Variants in SPATS2 observed in about 807,000 individuals in gnomAD.
The protein encoded by SPATS2 is spermatogenesis associated serine rich 2.
A neutral mutation model predicts 63.7 loss-of-function variants in SPATS2; 38 were observed. The observed-to-expected ratio is 0.60, with a 90% CI of 0.46 to 0.78. SPATS2 has a LOEUF of 0.78. Among genes scored for constraint, SPATS2 ranks in the 30% least tolerant of loss-of-function variants. SPATS2 has a pLI of 0.00. For missense variants in SPATS2, 588 were observed against 666.2 expected (o/e 0.88, Z 1.29); for synonymous variants, 207 against 232.9 (o/e 0.89, Z 1.01).
intron 2 of SPATS2, among the ~76,000 whole-genome samples, chr12:49,402,735 G>A (rs1248434740): frequency 6.6e-6 from 1 of 152,132 alleles, no homozygotes; most frequent in African/African-American, 2.4e-5. Flanking sequence ...GAAGAAGGGG[G>A]TAGTGGTGGT....
chr12:49,499,394 G>A (rs76369963), intron 8 of SPATS2, among the ~76,000 whole-genome samples: 3,896 of 72,630 alleles, frequency 0.054, 76 homozygotes, highest in African/African-American at 0.07. Context: ...CTGCCTGGTT[G>A]TTTTGTTTTG....
intron 3 of SPATS2, among the ~76,000 whole-genome samples, chr12:49,472,769 G>T (rs1026807947): frequency 7.9e-5 from 12 of 151,536 alleles, no homozygotes; most frequent in African/African-American, 2.9e-4. Context: ...GCCAGGCGTG[G>T]TGTCTCATGG....
At position 49,485,828 on chromosome 12, in the gene SPATS2, C is replaced by T. The variant is rs530849721; in HGVS notation, c.105+1159C>T. On this transcript the variant is annotated intron_variant, in intron 4 of 13. Coordinates refer to ENST00000552918, the MANE Select transcript of SPATS2 (RefSeq NM_023071.4). ...AGGCTGGAGTGCAGTGACGCAGTCT[C>T]GGCTCCCTTTAGCCTCCACCTCCTG... is the stretch of plus-strand genomic sequence containing the variant. 4.1e-5 allele frequency among the ~76,000 whole-genome samples: 6 copies of T among 146,964 alleles called. No homozygotes were observed. In the South Asian group the frequency reaches 8.6e-4, roughly 21 times the overall value.
rs747971046 is a variant in SPATS2 at position 49,519,233 on chromosome 12, G to A, written c.1008+51G>A. ...TTTCTTCTTATCCTCAGGGGCTAAAGTAAGAAATTTTCATAATTCATGGCC... is the reference window on the plus strand; with the variant it reads ...TTTCTTCTTATCCTCAGGGGCTAAAATAAGAAATTTTCATAATTCATGGCC... On this transcript the variant is annotated intron_variant, in intron 11 of 13. Coordinates refer to ENST00000552918, the MANE Select transcript of SPATS2 (RefSeq NM_023071.4). The A allele has an allele frequency of 1.4e-5, 20 of 1,464,716 alleles. No homozygotes were observed. The East Asian group carries it at 4.3e-4, about 31-fold the overall frequency. 90.7% of individuals were successfully genotyped at this position (1,464,716 alleles called of 1,614,324 possible).
intron 9 of SPATS2, 79 bp from the exon 10 acceptor site, chr12:49,514,472 GTCTT>G (rs1391448510): frequency 5.4e-6 from 7 of 1,292,578 alleles, no homozygotes; most frequent in Admixed American, 2.0e-5. Context: ...AAACTCACTG[GTCTT>G]TCTTTACTAT....
At chr12:49,425,773 G>A (rs1222292625) in intron 2 of SPATS2, among the ~76,000 whole-genome samples, 3 of 152,118 alleles carry the variant, frequency 2.0e-5, no homozygotes, top group African/African-American at 7.2e-5. Flanking sequence ...GGGATTACAG[G>A]CGCATGCCAC....
In SPATS2 at chr12:49,409,592, ATTTTTTTTTT is replaced by A. The variant is rs753378038; in HGVS notation, c.-244+38320_-244+38329del. 1.6e-3 allele frequency among the ~76,000 whole-genome samples: 115 copies of A among 73,544 alleles called. 1 individual carries two copies. Among genetic ancestry groups the A allele is most frequent in the African/African-American group, 6.3e-3 (99 of 15,804 alleles). The allele number at this position is 73,544 out of a possible 152,430, so 48.2% of individuals were successfully genotyped here. ...CAGGCGTGAGCCACTGTGCCCAGCA[ATTTTTTTTTT>A]TTTTTTTTTTTTTTTTTCAGATGGA... On this transcript the variant is annotated intron_variant, in intron 2 of 13. Transcript: ENST00000552918.
chr12:49,376,470 C>T (rs1192229211), intron 2 of SPATS2, among the ~76,000 whole-genome samples: 2 of 151,882 alleles, frequency 1.3e-5, no homozygotes, highest in Non-Finnish European at 2.9e-5. Flanking sequence ...GATCATGGCT[C>T]ATTGCAGCCT....
intron 2 of SPATS2, among the ~76,000 whole-genome samples, chr12:49,430,136 T>C (rs1297620338): frequency 7.0e-6 from 1 of 142,390 alleles, no homozygotes; most frequent in Non-Finnish European, 1.5e-5. Context: ...AGTCTCACTC[T>C]GTCCCCCAGC....
upstream of SPATS2, chr12:49,367,270 T>TCTGGCTGG (rs1943913513): frequency 3.0e-6 from 1 of 331,470 alleles, no homozygotes; most frequent in Non-Finnish European, 5.5e-6. Flanking sequence ...CGCCCTGAGC[T>TCTGGCTGG]CTGGCTGGCT....
At chr12:49,418,335 T>C (rs1389135515) in intron 2 of SPATS2, among the ~76,000 whole-genome samples, 1 of 152,004 alleles carries the variant, frequency 6.6e-6, no homozygotes, top group Non-Finnish European at 1.5e-5. Flanking sequence ...GTTCTGCTCT[T>C]GTCACCCAGG....
At chr12:49,394,008 C>T (rs990754531) in intron 2 of SPATS2, among the ~76,000 whole-genome samples, 4 of 152,074 alleles carry the variant, frequency 2.6e-5, no homozygotes, top group Non-Finnish European at 4.4e-5. Context: ...TTTTCAAAGT[C>T]GTTTTTACTA....
chr12:49,385,710 G>GAGGAAAAGGTGTGAAATTGTTT (rs1482945246), intron 2 of SPATS2, among the ~76,000 whole-genome samples: 1 of 152,068 alleles, frequency 6.6e-6, no homozygotes, highest in Non-Finnish European at 1.5e-5. Flanking sequence ...TTTGTGTAAA[G>GAGGAAAAGGTGTGAAATTGTTT]AGGAAAAGGT....
chr12:49,409,591 AATT>A (rs1463532151), intron 2 of SPATS2, among the ~76,000 whole-genome samples: 4,810 of 123,210 alleles, frequency 0.039, 233 homozygotes, highest in Non-Finnish European at 0.056. Flanking sequence ...TGTGCCCAGC[AATT>A]TTTTTTTTTT....
intron 3 of SPATS2, among the ~76,000 whole-genome samples, chr12:49,468,179 GA>G (rs1472441124): frequency 8.2e-5 from 4 of 48,776 alleles, no homozygotes; most frequent in Non-Finnish European, 1.3e-4. Flanking sequence ...TTTTTTTTTT[GA>G]AATGGAGTCT....
intron 2 of SPATS2, among the ~76,000 whole-genome samples, chr12:49,374,712 G>C (rs1223018102): frequency 2.6e-5 from 4 of 152,122 alleles, no homozygotes; most frequent in Non-Finnish European, 5.9e-5. Context: ...TGTAATCCCA[G>C]CACTTTGGGA....
intron 10 of SPATS2, among the ~76,000 whole-genome samples, chr12:49,515,473 G>A (rs1228737244): frequency 6.6e-6 from 1 of 152,190 alleles, no homozygotes; most frequent in African/African-American, 2.4e-5. Flanking sequence ...GTGTGGTCAC[G>A]GGCCAGAGGA....
chr12:49,381,189 C>T (rs1944213965), intron 2 of SPATS2, among the ~76,000 whole-genome samples: 1 of 152,134 alleles, frequency 6.6e-6, no homozygotes. Context: ...ATTCGTATAT[C>T]TTCTTGGAGA....
intron 9 of SPATS2, among the ~76,000 whole-genome samples, chr12:49,512,625 T>A (rs561998719): frequency 6.6e-6 from 1 of 152,346 alleles, no homozygotes; most frequent in East Asian, 1.9e-4. Context: ...ATGCAGACCT[T>A]GCTAAAAGTG....
Sources: gnomAD v4.1 joint callset for allele counts (sites outside exome capture counted in the v4.1 genomes callset) on GRCh38, gnomAD v4.1.1 for gene constraint, MANE v1.5 for transcripts, NCBI Gene and HGNC (gene_info 2026-07-23, HGNC 2026-07-21) for gene names.